The following HBP1 variants were observed in gnomAD, a reference collection of about 807,000 sequenced individuals.
HBP1 encodes the protein HMG box-containing protein 1.
A neutral mutation model predicts 62.6 loss-of-function variants in HBP1; 20 were observed. The observed-to-expected ratio is 0.32, with a 90% CI of 0.22 to 0.46. The LOEUF (loss-of-function observed/expected upper bound fraction) is 0.46, where lower values mean the gene tolerates loss of function less well. Among genes scored for constraint, HBP1 ranks in the 20% least tolerant of loss-of-function variants. HBP1 has a pLI of 1.00. For synonymous variants in HBP1, 232 were observed against 206.2 expected (o/e 1.12, Z -1.07); for missense variants, 480 against 611.8 (o/e 0.78, Z 2.27).
intron 9 of HBP1, 195 bp downstream of exon 9, chr7:107,196,346 G>C (rs1215052073): frequency 1.7e-6 from 1 of 598,292 alleles, no homozygotes; most frequent in Non-Finnish European, 3.1e-6. Flanking sequence ...TCAGCTCACT[G>C]CAACCTCCGC....
chr7:107,189,715 T>G lies in HBP1; in HGVS notation c.922+267T>G, dbSNP rs552431664. Among the ~76,000 whole-genome samples, 13 of 152,328 alleles carry G rather than the reference T, an allele frequency of 8.5e-5. No individual in the cohort carries two copies. In the South Asian group the frequency reaches 1.9e-3, roughly 22 times the overall value. On this transcript the variant is annotated intron_variant, in intron 7 of 10. Coordinates refer to ENST00000222574, the MANE Select transcript of HBP1 (RefSeq NM_012257.4). ...AGCTTTCTATTATCTTGGTATAGTT[T>G]GGGTAATGTAGTGATCTAGTAATCA...
At chr7:107,177,638 ATATT>A (rs1263979531) in intron 1 of HBP1, among the ~76,000 whole-genome samples, 1 of 152,252 alleles carries the variant, frequency 6.6e-6, no homozygotes, top group Non-Finnish European at 1.5e-5. Flanking sequence ...CTTCTGATGT[ATATT>A]TAACCATTTA....
Position 107,201,499 on chromosome 7 carries a change from A to T in HBP1, c.*68A>T, listed in dbSNP as rs561139290. The T allele has an allele frequency of 3.0e-5, 29 of 976,272 alleles. No individual in the cohort carries two copies. The highest frequency in any genetic ancestry group is 1.7e-4 in the East Asian group (7 of 41,194). The allele number at this position is 976,272 out of a possible 1,614,324, so 60.5% of individuals were successfully genotyped here. ...TGACTCTTGATGGAAAGACTTAAGA[A>T]GATCAAGGTCTCACCATTTGTCCTC... On this transcript the variant is annotated 3_prime_UTR_variant, in exon 11 of 11. Transcript: ENST00000222574.
intron 6 of HBP1, among the ~76,000 whole-genome samples, chr7:107,188,430 G>T (rs1000030282): frequency 2.6e-5 from 4 of 152,100 alleles, no homozygotes; most frequent in Admixed American, 1.3e-4. Flanking sequence ...ATTCTGTAAA[G>T]ATTTTTAAGT....
intron 9 of HBP1, 82 bp downstream of exon 9, chr7:107,196,233 T>G (rs1190285906): frequency 2.3e-6 from 2 of 860,920 alleles, no homozygotes; most frequent in Middle Eastern, 2.2e-4. Context: ...TTAAGTAAAC[T>G]TATTCTTTAA....
chr7:107,169,261 G>A, intron 1 of HBP1, 76 bp downstream of exon 1: 1 of 789,146 alleles, frequency 1.3e-6, no homozygotes, highest in South Asian at 2.3e-5. Flanking sequence ...TGGGCAGACT[G>A]GAGGGCTCGG....
At chr7:107,176,094 C>T (rs796587669) in intron 1 of HBP1, among the ~76,000 whole-genome samples, 19 of 150,854 alleles carry the variant, frequency 1.3e-4, no homozygotes, top group African/African-American at 3.7e-4. Flanking sequence ...GGTGCGATCT[C>T]GGCTCACTGC....
chr7:107,171,073 A>ATATATATATATTTTTTT, intron 1 of HBP1, among the ~76,000 whole-genome samples: 6 of 87,200 alleles, frequency 6.9e-5, no homozygotes, highest in South Asian at 3.2e-4. Context: ...ATATATATAT[A>ATATATATATATTTTTTT]TTTTTTTTTT....
chr7:107,181,457 G>GT (rs1249828210), intron 2 of HBP1, among the ~76,000 whole-genome samples: 1 of 151,678 alleles, frequency 6.6e-6, no homozygotes, highest in Non-Finnish European at 1.5e-5. Context: ...GGGCAACAGA[G>GT]TAAGACCCTA....
At chr7:107,169,319 TA>T in intron 1 of HBP1, 134 bp downstream of exon 1, 1 of 336,822 alleles carries the variant, frequency 3.0e-6, no homozygotes, top group Non-Finnish European at 4.5e-6. Context: ...TGGGGGCAGT[TA>T]ACCGTTCGAT....
chr7:107,201,546 C>G lies in HBP1; in HGVS notation c.*115C>G, dbSNP rs1044367246. The stretch of plus-strand genomic sequence containing the variant: ...CCTCAATTCGTGTGACCATAAGATA[C>G]TGATAGCATTGAGTCTTGAAATGAT... On this transcript the variant is annotated 3_prime_UTR_variant, in exon 11 of 11. Coordinates refer to ENST00000222574, the MANE Select transcript of HBP1 (RefSeq NM_012257.4). 3.9e-5 allele frequency: 23 copies of G among 591,276 alleles called. No homozygotes were observed. Among genetic ancestry groups the G allele is most frequent in the Non-Finnish European group, 6.5e-5 (21 of 322,184 alleles). 36.6% of individuals were successfully genotyped at this position (591,276 alleles called of 1,614,324 possible).
chr7:107,181,471 C>CA (rs201310736), intron 2 of HBP1, among the ~76,000 whole-genome samples: 1 of 148,954 alleles, frequency 6.7e-6, no homozygotes, highest in African/African-American at 2.5e-5. Flanking sequence ...GACCCTATCT[C>CA]AAAAAAAAAT....
intron 1 of HBP1, among the ~76,000 whole-genome samples, chr7:107,170,642 G>T (rs1165976606): frequency 6.6e-6 from 1 of 152,018 alleles, no homozygotes; most frequent in Admixed American, 6.5e-5. Flanking sequence ...GCAAAATATT[G>T]TTTGTGCTTT....
intron 1 of HBP1, 128 bp from the exon 2 acceptor site, chr7:107,179,730 CCACTGCACTGCAGTCTGGGTG>C: frequency 2.2e-6 from 1 of 463,182 alleles, no homozygotes. Flanking sequence ...CGAGATCACG[CCACTGCACTGCAGTCTGGGTG>C]ACAGAGTGTG....
Position 107,190,333 on chromosome 7 carries a change from T to C in HBP1, c.1067+16T>C. The C allele has an allele frequency of 6.4e-7, 1 of 1,571,008 alleles. No individual in the cohort carries two copies. The highest frequency in any genetic ancestry group is 8.7e-7 in the Non-Finnish European group (1 of 1,147,314). ...CATTTAAAAGGTAATATTGGATTAATTCTTTGTTTTATTTTCCTCTTAAAG... is the reference window on the plus strand; with the variant it reads ...CATTTAAAAGGTAATATTGGATTAACTCTTTGTTTTATTTTCCTCTTAAAG... On this transcript the variant is annotated intron_variant, in intron 8 of 10. Transcript: ENST00000222574.
At chr7:107,170,088 G>A (rs1796483214) in intron 1 of HBP1, 2 of 985,230 alleles carry the variant, frequency 2.0e-6, no homozygotes, top group South Asian at 4.7e-5. Flanking sequence ...TTCTTAGGGA[G>A]TTTTCAGCTA....
chr7:107,175,643 A>G (rs1796800898), intron 1 of HBP1, among the ~76,000 whole-genome samples: 1 of 151,774 alleles, frequency 6.6e-6, no homozygotes, highest in African/African-American at 2.4e-5. Flanking sequence ...CTATATTCTG[A>G]TCTCACTAGG....
At chr7:107,189,935 A>G (rs1797568182) in intron 7 of HBP1, 1 of 352,024 alleles carries the variant, frequency 2.8e-6, no homozygotes, top group Admixed American at 4.4e-5. Context: ...GCTGATTGAT[A>G]GAGGAGCTCT....
intron 1 of HBP1, among the ~76,000 whole-genome samples, chr7:107,172,002 T>A (rs1796623970): frequency 6.6e-6 from 1 of 152,040 alleles, no homozygotes; most frequent in African/African-American, 2.4e-5. Flanking sequence ...ATCACAAAAT[T>A]CAGGGAAAAA....
Sources: allele counts gnomAD v4.1 joint callset (sites outside exome capture counted in the v4.1 genomes callset), GRCh38; gene constraint gnomAD v4.1.1; transcripts MANE v1.5; gene names NCBI Gene and HGNC (gene_info 2026-07-23, HGNC 2026-07-21).